Variants in CHFR observed in about 807,000 individuals in gnomAD.
CHFR encodes checkpoint with forkhead and ring finger domains.
A neutral mutation model predicts 87.6 loss-of-function variants in CHFR; 57 were observed. That is an observed-to-expected ratio of 0.65 (90% CI 0.53 to 0.81). The LOEUF (loss-of-function observed/expected upper bound fraction) is 0.81. CHFR is among the 30% of genes least tolerant of loss of function. CHFR has a pLI of 0.00. For synonymous variants in CHFR, 381 were observed against 359.2 expected, an observed-to-expected ratio of 1.06 and a Z score of -0.69; for missense variants, 797 against 865.8, an observed-to-expected ratio of 0.92 and a Z score of 1.00.
chr12:132,842,929 G>T lies in CHFR; in HGVS notation c.1916+82C>A, dbSNP rs1208743532. ...GGATGCAACCTGAGAGAAGCATAAT[G>T]ACCATATCAGCCTATTTATAAGCAG... On this transcript the variant is annotated intron_variant, in intron 17 of 17. Coordinates refer to ENST00000450056, the MANE Select transcript of CHFR (RefSeq NM_001161346.2). The T allele has an allele frequency of 4.4e-6, 5 of 1,144,984 alleles. No homozygotes were observed. The South Asian group carries it at 5.3e-5, about 12-fold the overall frequency. 70.9% of individuals were successfully genotyped at this position (1,144,984 alleles called of 1,614,324 possible). A position where few individuals can be genotyped will look rare whatever the true frequency, so the allele number is the denominator to read the frequency against.
chr12:132,847,854 C>T (rs959639737), intron 14 of CHFR: 2 of 1,375,806 alleles, frequency 1.5e-6, no homozygotes, highest in African/African-American at 2.9e-5. Flanking sequence ...GAATTGGTGG[C>T]AGGAGGCACA....
intron 4 of CHFR, among the ~76,000 whole-genome samples, chr12:132,871,629 G>A (rs771481759): frequency 8.4e-4 from 128 of 151,818 alleles, no homozygotes; most frequent in Middle Eastern, 3.4e-3. Context: ...AAAATGAGCC[G>A]GGCGTGGTGG....
Position 132,835,112 on chromosome 12 carries a change from A to G in CHFR, c.*6442T>C, listed in dbSNP as rs970997951. 4 of 152,120 alleles carry G rather than the reference A, an allele frequency of 2.6e-5. No individual in the cohort carries two copies. The highest frequency in any genetic ancestry group is 7.2e-5 in the African/African-American group (3 of 41,402). The allele number at this position is 152,120 out of a possible 1,614,324, so 9.4% of individuals were successfully genotyped here. A position where few individuals can be genotyped will look rare whatever the true frequency, so the allele number is the denominator to read the frequency against. On this transcript the variant is annotated 3_prime_UTR_variant, in exon 18 of 18. Coordinates refer to ENST00000450056, the MANE Select transcript of CHFR (RefSeq NM_001161346.2). Reference sequence around the variant, plus strand: ...TCATCTCAAGGTCCTTAATTCCACCATATCTGCAAAGCCCCTTTTACGGTG... The same window carrying G: ...TCATCTCAAGGTCCTTAATTCCACCGTATCTGCAAAGCCCCTTTTACGGTG...
At chr12:132,860,148 C>T (rs1273305729) in intron 7 of CHFR, among the ~76,000 whole-genome samples, 1 of 152,212 alleles carries the variant, frequency 6.6e-6, no homozygotes, top group African/African-American at 2.4e-5. Context: ...AAACTATTTT[C>T]ATGTCTTTGA....
intron 6 of CHFR, among the ~76,000 whole-genome samples, chr12:132,864,078 A>G (rs1951275944): frequency 6.6e-6 from 1 of 150,590 alleles, no homozygotes; most frequent in African/African-American, 2.4e-5. Context: ...TAAGGATTAC[A>G]GGTGTGAATA....
At position 132,835,842 on chromosome 12, in the gene CHFR, A is replaced by G. The variant is rs61952781; in HGVS notation, c.*5712T>C. 0.26 allele frequency: 51,721 copies of G among 202,326 alleles called. 4,553 individuals are homozygous for G. Among genetic ancestry groups the G allele is most frequent in the South Asian group, 0.32 (8,124 of 25,580 alleles). 12.5% of individuals were successfully genotyped at this position (202,326 alleles called of 1,614,324 possible). On this transcript the variant is annotated 3_prime_UTR_variant, in exon 18 of 18. Transcript: ENST00000450056. ...CCTCACAGTGCCAGGCTCCCAGCAC[A>G]GCGCACGGCCCTCACAGTGATAGGC...
intron 6 of CHFR, chr12:132,861,900 C>T: frequency 2.2e-6 from 1 of 447,054 alleles, no homozygotes; most frequent in East Asian, 3.7e-5. Context: ...CAGGCTTAGC[C>T]CTCGAGCACC....
chr12:132,851,666 C>G lies in CHFR; in HGVS notation c.1444G>C (p.Asp482His). The G allele has an allele frequency of 6.2e-7, 1 of 1,613,228 alleles. No homozygotes were observed. Among genetic ancestry groups the G allele is most frequent in the Non-Finnish European group, 8.5e-7 (1 of 1,179,908 alleles). The change falls in exon 12 of 18, where the codon GAC becomes CAC. Residue 482 changes from aspartate (D) to histidine (H), a missense_variant. Physicochemically the swap from Asp to His is moderately conservative, Grantham distance 81. Transcript: ENST00000450056. ...LCTCCFQPMPDRRAEREQDPR... is the reference protein window; with the variant it reads ...LCTCCFQPMPHRRAEREQDPR... Reference sequence around the variant, plus strand: ...TCCTGCTCGCGCTCCGCTCTCCGGTCGGGCATGGGCTGGAAGCAGCAGGTG... The same window carrying G: ...TCCTGCTCGCGCTCCGCTCTCCGGTGGGGCATGGGCTGGAAGCAGCAGGTG...
Position 132,875,305 on chromosome 12 carries a change from C to A in CHFR, c.233+2250G>T, listed in dbSNP as rs148228769. Among the ~76,000 whole-genome samples, 650 of 152,364 alleles carry A rather than the reference C, an allele frequency of 4.3e-3. 4 individuals are homozygous for A. The highest frequency in any genetic ancestry group is 0.015 in the African/African-American group (612 of 41,594). ...TGCAGTGAGAACAGCACACTCTCAA[C>A]ATACTGCTAGAAGACCACCTGCCAC... On this transcript the variant is annotated intron_variant, in intron 3 of 17. Coordinates refer to ENST00000450056, the MANE Select transcript of CHFR (RefSeq NM_001161346.2).
chr12:132,852,147 AT>A (rs373669694), intron 11 of CHFR, among the ~76,000 whole-genome samples: 14,291 of 143,188 alleles, frequency 0.1, 1,459 homozygotes, highest in East Asian at 0.52. Flanking sequence ...CGCCTGGCTA[AT>A]TTTTTTTTTT....
intron 2 of CHFR, among the ~76,000 whole-genome samples, chr12:132,885,595 C>T (rs376544772): frequency 8.5e-5 from 13 of 152,174 alleles, no homozygotes; most frequent in African/African-American, 2.7e-4. Context: ...ATAAACTCAA[C>T]GACATATTTT....
chr12:132,884,000 A>G (rs567391191), intron 2 of CHFR, among the ~76,000 whole-genome samples: 16 of 152,188 alleles, frequency 1.1e-4, no homozygotes, highest in African/African-American at 3.9e-4. Flanking sequence ...CACGCCTGAA[A>G]TCTCAGCTAG....
intron 11 of CHFR, among the ~76,000 whole-genome samples, chr12:132,852,990 C>T (rs1044395984): frequency 2.6e-5 from 4 of 152,186 alleles, no homozygotes; most frequent in East Asian, 1.9e-4. Context: ...AGGCACCTGA[C>T]GGGGAAACAT....
Position 132,872,335 on chromosome 12 carries a change from T to A in CHFR, c.293A>T (p.Gln98Leu), listed in dbSNP as rs773164146. 1 of 1,613,622 alleles carries A rather than the reference T, an allele frequency of 6.2e-7. No individual in the cohort carries two copies. The highest frequency in any genetic ancestry group is 8.5e-7 in the Non-Finnish European group (1 of 1,179,550). Reference protein sequence around the residue: ...KVVKKQTCPLQTGDVIYLVYR... With the variant: ...KVVKKQTCPLLTGDVIYLVYR... ...CACCAAGTAGATGACATCCCCAGTC[T>A]GTAAAGGGCATGTCTGCTTCTTAAC... is the stretch of plus-strand genomic sequence containing the variant. The change falls in exon 4 of 18, where the codon CAG (glutamine) becomes CTG (leucine). Residue 98 changes from glutamine to leucine, a missense_variant. Transcript: ENST00000450056.
chr12:132,855,438 C>T (rs1000629403), intron 10 of CHFR, among the ~76,000 whole-genome samples: 4 of 150,990 alleles, frequency 2.6e-5, no homozygotes, highest in African/African-American at 7.3e-5. Context: ...AGGTCGAGGC[C>T]GGCGGATCAC....
chr12:132,869,549 C>T lies in CHFR; in HGVS notation c.583+70G>A. ...CTCAGTCGCTTATCTGCCTCTGTAA[C>T]AACACAGGTAAAGAGTAGTGAACAA... On this transcript the variant is annotated intron_variant, in intron 6 of 17. Coordinates refer to ENST00000450056, the MANE Select transcript of CHFR (RefSeq NM_001161346.2). 3 of 1,422,088 alleles carry T rather than the reference C, an allele frequency of 2.1e-6. No individual in the cohort carries two copies. The South Asian group carries it at 3.7e-5, about 18-fold the overall frequency. The allele number at this position is 1,422,088 out of a possible 1,614,324, so 88.1% of individuals were successfully genotyped here. A position where few individuals can be genotyped will look rare whatever the true frequency, so the allele number is the denominator to read the frequency against.
intron 8 of CHFR, among the ~76,000 whole-genome samples, chr12:132,858,057 G>A (rs1272933278): frequency 5.3e-5 from 8 of 152,274 alleles, no homozygotes; most frequent in South Asian, 2.1e-4. Flanking sequence ...TTGGTGCCAC[G>A]AGTAGAATGA....
intron 6 of CHFR, among the ~76,000 whole-genome samples, chr12:132,864,310 G>A (rs763544252): frequency 4.6e-5 from 7 of 152,074 alleles, no homozygotes; most frequent in African/African-American, 7.2e-5. Context: ...ACCCACTCAC[G>A]CCATCATCTC....
intron 15 of CHFR, among the ~76,000 whole-genome samples, chr12:132,845,727 G>GTGACC (rs1387394157): frequency 1.3e-5 from 2 of 152,110 alleles, no homozygotes; most frequent in Non-Finnish European, 2.9e-5. Context: ...CTGGAGAGGA[G>GTGACC]TGACCCTCAC....
Sources: allele counts gnomAD v4.1 joint callset (sites outside exome capture counted in the v4.1 genomes callset), GRCh38; gene constraint gnomAD v4.1.1; transcripts MANE v1.5; gene names NCBI Gene and HGNC (gene_info 2026-07-23, HGNC 2026-07-21).